Variants in TANGO6 observed in about 807,000 individuals in gnomAD.
TANGO6 encodes transport and golgi organization 6 homolog.
TANGO6 carries 90 observed loss-of-function variants against 114.2 expected under a neutral mutation model. The ratio of observed to expected loss-of-function variants is 0.79; its 90% CI spans 0.66 to 0.94. The LOEUF (loss-of-function observed/expected upper bound fraction) is 0.94, where lower values mean the gene tolerates loss of function less well. Among genes scored for constraint, TANGO6 ranks in the 40% least tolerant of loss-of-function variants. TANGO6 has a pLI of 0.00. For missense variants in TANGO6, 1,274 were observed against 1,315.3 expected (o/e 0.97, Z 0.49); for synonymous variants, 477 against 509.8 (o/e 0.94, Z 0.87).
At chr16:69,069,750 G>A (rs974058856) in intron 17 of TANGO6, among the ~76,000 whole-genome samples, 2 of 151,910 alleles carry the variant, frequency 1.3e-5, no homozygotes, top group African/African-American at 4.8e-5. Context: ...TTTGATCTTT[G>A]TTTGCTTCAT....
chr16:68,921,144 A>G (rs1000983629), intron 12 of TANGO6, among the ~76,000 whole-genome samples: 1 of 147,940 alleles, frequency 6.8e-6, no homozygotes, highest in Non-Finnish European at 1.5e-5. Context: ...AAAAAGAACT[A>G]TCAAGGAAAG....
At chr16:69,059,169 G>A (rs779235205) in intron 17 of TANGO6, among the ~76,000 whole-genome samples, 2 of 151,552 alleles carry the variant, frequency 1.3e-5, no homozygotes, top group South Asian at 4.2e-4. Context: ...CTGCCTCCCG[G>A]GTTCAAGCAA....
chr16:68,864,485 G>A (rs1345870352), intron 3 of TANGO6, among the ~76,000 whole-genome samples: 2 of 152,056 alleles, frequency 1.3e-5, no homozygotes, highest in East Asian at 3.9e-4. Flanking sequence ...GGAAGCTGAG[G>A]TGGGAGGATT....
At chr16:69,060,319 C>G (rs189241589) in intron 17 of TANGO6, among the ~76,000 whole-genome samples, 49 of 152,236 alleles carry the variant, frequency 3.2e-4, no homozygotes, top group African/African-American at 1.1e-3. Flanking sequence ...CCCCCAGCCT[C>G]CATTCACTTT....
intron 11 of TANGO6, 44 bp downstream of exon 11, chr16:68,909,446 C>T: frequency 7.0e-7 from 1 of 1,427,376 alleles, no homozygotes. Flanking sequence ...TTTTTCTTTC[C>T]AAAAAATAAA....
chr16:68,941,867 C>T lies in TANGO6; in HGVS notation c.2701+11572C>T, dbSNP rs547718141. 2.8e-3 allele frequency among the ~76,000 whole-genome samples: 424 copies of T among 152,210 alleles called. 2 individuals are homozygous for T. The highest frequency in any genetic ancestry group is 4.3e-3 in the Non-Finnish European group (291 of 68,018). The stretch of plus-strand genomic sequence containing the variant: ...GCATAGTGGCATGTGCCTGTAGTTG[C>T]AGCCACTTGGGAGGCTGAAGTGGGA... On this transcript the variant is annotated intron_variant, in intron 14 of 17. Transcript: ENST00000261778.
At chr16:69,079,675 A>C (rs1213465478) in intron 17 of TANGO6, among the ~76,000 whole-genome samples, 1 of 152,244 alleles carries the variant, frequency 6.6e-6, no homozygotes, top group Non-Finnish European at 1.5e-5. Context: ...GGAAGTATGC[A>C]AATTCATAAC....
At chr16:68,970,879 C>T (rs192963592) in intron 14 of TANGO6, among the ~76,000 whole-genome samples, 2 of 151,906 alleles carry the variant, frequency 1.3e-5, no homozygotes, top group African/African-American at 4.8e-5. Flanking sequence ...AGCTATGGGC[C>T]GGGCGCAGTG....
intron 11 of TANGO6, among the ~76,000 whole-genome samples, chr16:68,916,716 C>T (rs868090842): frequency 6.6e-6 from 1 of 152,130 alleles, no homozygotes; most frequent in Non-Finnish European, 1.5e-5. Flanking sequence ...GACCCTCTGA[C>T]ATAGTCAGAA....
intron 7 of TANGO6, among the ~76,000 whole-genome samples, chr16:68,881,765 C>G (rs1962465242): frequency 6.6e-6 from 1 of 152,016 alleles, no homozygotes; most frequent in African/African-American, 2.4e-5. Context: ...ATTATCACAG[C>G]CTTATAAATA....
chr16:68,891,078 G>A (rs1223824152), intron 7 of TANGO6, among the ~76,000 whole-genome samples: 1 of 151,018 alleles, frequency 6.6e-6, no homozygotes, highest in Admixed American at 6.6e-5. Context: ...GATCGCTTGA[G>A]GTCAGGAGTT....
At chr16:68,964,040 C>G (rs954307788) in intron 14 of TANGO6, among the ~76,000 whole-genome samples, 19 of 151,898 alleles carry the variant, frequency 1.3e-4, no homozygotes, top group Admixed American at 1.0e-3. Context: ...GAACAGCTGA[C>G]TAGCTGTTCT....
chr16:68,950,046 A>G (rs2152205080), intron 14 of TANGO6, among the ~76,000 whole-genome samples: 1 of 152,330 alleles, frequency 6.6e-6, no homozygotes, highest in Admixed American at 6.5e-5. Flanking sequence ...ACAAAAGGCC[A>G]TGTGTTGTAT....
At position 68,867,174 on chromosome 16, in the gene TANGO6, T is replaced by C; in HGVS notation, c.948T>C (p.Pro316=). 1 of 1,613,890 alleles carries C rather than the reference T, an allele frequency of 6.2e-7. No homozygotes were observed. The highest frequency in any genetic ancestry group is 8.5e-7 in the Non-Finnish European group (1 of 1,179,868). The change falls in exon 4 of 18, where the codon CCT becomes CCC. Residue 316 remains proline, a synonymous_variant. Transcript: ENST00000261778. Reference sequence around the variant, plus strand: ...TGCTCTCTGAAAGGTTAATGAGACCTAATGGTGTTCAGGCAGTAGTCCGGG... The same window carrying C: ...TGCTCTCTGAAAGGTTAATGAGACCCAATGGTGTTCAGGCAGTAGTCCGGG... ...GQLLSERLMR[P]NGVQAVVRGI... is the part of the protein sequence containing the mutation.
rs149180401 is a variant in TANGO6 at position 68,910,967 on chromosome 16, G to A, written c.1992+1565G>A. On this transcript the variant is annotated intron_variant, in intron 11 of 17. Coordinates refer to ENST00000261778, the MANE Select transcript of TANGO6 (RefSeq NM_024562.2). ...GCTGGGATTACAGGCGTGAGCTACC[G>A]TGCCCAGCCATTATTGGTATATTGT... Among the ~76,000 whole-genome samples the A allele has an allele frequency of 1.4e-4, 21 of 152,206 alleles. No homozygotes were observed. In the East Asian group the frequency reaches 1.9e-3, roughly 14 times the overall value.
Position 68,919,135 on chromosome 16 carries a change from C to G in TANGO6, c.2043C>G (p.Ala681=), listed in dbSNP as rs757867408. The change falls in exon 12 of 18, where the codon GCC becomes GCG. Residue 681 remains alanine (A), a synonymous_variant. Transcript: ENST00000261778. The stretch of plus-strand genomic sequence containing the variant: ...TGCAGAGAGCCTGTGCAAGCCTGGC[C>G]CATCAGGCAGAGAGCACCGTGGAAT... ...ATLQRACASL[A]HQAESTVESQ... 1.9e-6 allele frequency: 3 copies of G among 1,613,018 alleles called. No homozygotes were observed. Among genetic ancestry groups the G allele is most frequent in the Non-Finnish European group, 2.5e-6 (3 of 1,179,610 alleles).
chr16:68,957,832 G>A (rs1028864305), intron 14 of TANGO6, among the ~76,000 whole-genome samples: 1 of 152,084 alleles, frequency 6.6e-6, no homozygotes, highest in African/African-American at 2.4e-5. Context: ...TAATAGATTT[G>A]AAAAATGAAA....
intron 14 of TANGO6, among the ~76,000 whole-genome samples, chr16:68,963,140 A>T (rs1360215537): frequency 6.7e-6 from 1 of 149,666 alleles, no homozygotes; most frequent in African/African-American, 2.5e-5. Flanking sequence ...TTTTTGAAAC[A>T]GAGTCTCACT....
chr16:69,048,186 G>A (rs765845926), intron 17 of TANGO6, among the ~76,000 whole-genome samples: 1 of 151,504 alleles, frequency 6.6e-6, no homozygotes, highest in Admixed American at 6.6e-5. Flanking sequence ...GGGTTCAAGC[G>A]ATTCTTGTGC....
Sources: allele counts gnomAD v4.1 joint callset (sites outside exome capture counted in the v4.1 genomes callset), GRCh38; gene constraint gnomAD v4.1.1; transcripts MANE v1.5; gene names NCBI Gene and HGNC (gene_info 2026-07-23, HGNC 2026-07-21).